PPP1R9A: variants seen among roughly 807,000 people sequenced by gnomAD.
PPP1R9A encodes protein phosphatase 1 regulatory subunit 9A.
PPP1R9A carries 59 observed loss-of-function variants against 141.9 expected under a neutral mutation model. The observed-to-expected ratio is 0.42, with a 90% CI of 0.34 to 0.52. PPP1R9A has a LOEUF of 0.52. Among genes scored for constraint, PPP1R9A ranks in the 20% least tolerant of loss-of-function variants. The probability of loss-of-function intolerance (pLI) is 0.10; values close to 1 mark genes in which losing one functional copy is unlikely to be tolerated. For synonymous variants in PPP1R9A, 500 were observed against 569.7 expected, an observed-to-expected ratio of 0.88 and a Z score of 1.74; for missense variants, 1,444 against 1,611.9, an observed-to-expected ratio of 0.90 and a Z score of 1.78.
At position 95,072,866 on chromosome 7, in the gene PPP1R9A, A is replaced by G. The variant is rs1814165038; in HGVS notation, c.1396-38393A>G. ...TTATATATAATATAAGTTATATAAT[A>G]TAATATAATATTATATAATATACCA... On this transcript the variant is annotated intron_variant, in intron 2 of 19. Coordinates refer to ENST00000433360, the MANE Select transcript of PPP1R9A (RefSeq NM_001166160.2). Among the ~76,000 whole-genome samples, 3 of 113,730 alleles carry G rather than the reference A, an allele frequency of 2.6e-5. No homozygotes were observed. In the South Asian group the frequency reaches 6.9e-4, roughly 26 times the overall value. 74.6% of individuals were successfully genotyped at this position (113,730 alleles called of 152,430 possible).
At chr7:95,286,503 G>A (rs1440454332) in intron 18 of PPP1R9A, among the ~76,000 whole-genome samples, 178 bp downstream of exon 18, 1 of 152,122 alleles carries the variant, frequency 6.6e-6, no homozygotes, top group African/African-American at 2.4e-5. Flanking sequence ...GAAAAGCAAA[G>A]TCTTGTTCTT....
intron 6 of PPP1R9A, among the ~76,000 whole-genome samples, chr7:95,199,185 A>G (rs1249861392): frequency 1.3e-5 from 2 of 152,206 alleles, no homozygotes; most frequent in African/African-American, 4.8e-5. Flanking sequence ...ATGCTGGTCT[A>G]TTTCTAATGT....
chr7:95,076,966 C>T (rs1359656295), intron 2 of PPP1R9A, among the ~76,000 whole-genome samples: 1 of 151,854 alleles, frequency 6.6e-6, no homozygotes, highest in Non-Finnish European at 1.5e-5. Context: ...GCCTTCATTC[C>T]AATGTTTATA....
intron 2 of PPP1R9A, among the ~76,000 whole-genome samples, chr7:95,079,789 G>A (rs1161370197): frequency 3.3e-5 from 5 of 152,140 alleles, no homozygotes; most frequent in Admixed American, 3.3e-4. Context: ...TTCAATATAT[G>A]CAAATCAATA....
chr7:95,134,662 C>T (rs983655760), intron 4 of PPP1R9A, among the ~76,000 whole-genome samples: 2 of 152,012 alleles, frequency 1.3e-5, no homozygotes, highest in South Asian at 2.1e-4. Context: ...CTCAAACTCC[C>T]GACCTCAGGT....
intron 2 of PPP1R9A, among the ~76,000 whole-genome samples, chr7:95,031,451 T>C (rs1807671853): frequency 6.6e-6 from 1 of 152,172 alleles, no homozygotes; most frequent in Non-Finnish European, 1.5e-5. Flanking sequence ...ATCTTTGCTG[T>C]AAAATCAGTA....
intron 4 of PPP1R9A, among the ~76,000 whole-genome samples, chr7:95,127,140 TCTCA>T (rs1222441168): frequency 1.3e-5 from 2 of 152,180 alleles, no homozygotes; most frequent in Non-Finnish European, 2.9e-5. Context: ...TCCCTCCCTC[TCTCA>T]CTCTTTTTAA....
intron 2 of PPP1R9A, among the ~76,000 whole-genome samples, chr7:95,095,823 A>G (rs1175212478): frequency 1.3e-5 from 2 of 152,206 alleles, no homozygotes; most frequent in Non-Finnish European, 2.9e-5. Flanking sequence ...CCTCATGTAT[A>G]TATGCATTCC....
intron 5 of PPP1R9A, among the ~76,000 whole-genome samples, chr7:95,164,745 T>C (rs76682387): frequency 4.2e-5 from 6 of 141,622 alleles, no homozygotes; most frequent in South Asian, 2.1e-4. Context: ...TCTTTTCTTT[T>C]TTTTTTTTTT....
intron 2 of PPP1R9A, among the ~76,000 whole-genome samples, chr7:94,981,899 C>T (rs976784686): frequency 3.9e-5 from 6 of 151,958 alleles, no homozygotes; most frequent in East Asian, 1.9e-4. Flanking sequence ...TATGTATACA[C>T]GTGCCATGTT....
intron 3 of PPP1R9A, among the ~76,000 whole-genome samples, chr7:95,119,714 A>G (rs931061426): frequency 1.3e-5 from 2 of 152,072 alleles, no homozygotes; most frequent in Non-Finnish European, 2.9e-5. Context: ...TCAGCCTCCC[A>G]AAGTGATGGG....
chr7:95,068,473 GAAAAA>G (rs36043693), intron 2 of PPP1R9A, among the ~76,000 whole-genome samples: 207 of 94,236 alleles, frequency 2.2e-3, no homozygotes, highest in Middle Eastern at 0.021. Context: ...CTTGTCTCAA[GAAAAA>G]AAAAAAAAAA....
rs1340151679 is a variant in PPP1R9A at position 95,198,356 on chromosome 7, A to G, written c.1762A>G (p.Ile588Val). ...RNTKGNVRFVIGREKPGQVSE... is the reference protein window; with the variant it reads ...RNTKGNVRFVVGREKPGQVSE... ...TTGTTAACCTTTCCACAGATTTGTT[A>G]TTGGGCGGGAAAAACCAGGACAAGT... The change falls in exon 6 of 20, where the codon ATT becomes GTT. Residue 588 changes from isoleucine to valine, a missense_variant. Ile to Val is a conservative substitution (Grantham distance 29). Transcript: ENST00000433360. 3 of 1,603,152 alleles carry G rather than the reference A, an allele frequency of 1.9e-6. No individual in the cohort carries two copies. Among genetic ancestry groups the G allele is most frequent in the African/African-American group, 1.3e-5 (1 of 74,380 alleles).
chr7:94,975,718 A>C (rs751364941), intron 2 of PPP1R9A, among the ~76,000 whole-genome samples: 1 of 152,052 alleles, frequency 6.6e-6, no homozygotes. Flanking sequence ...TATTGAGTTG[A>C]TATTTTTGTT....
At chr7:94,943,008 G>A (rs528066288) in intron 2 of PPP1R9A, among the ~76,000 whole-genome samples, 1 of 151,908 alleles carries the variant, frequency 6.6e-6, no homozygotes, top group South Asian at 2.1e-4. Context: ...AATGATTCTG[G>A]GTGAGCTAAA....
chr7:95,004,541 C>G (rs1803348645), intron 2 of PPP1R9A, among the ~76,000 whole-genome samples: 1 of 152,116 alleles, frequency 6.6e-6, no homozygotes, highest in African/African-American at 2.4e-5. Flanking sequence ...GTATATGGAG[C>G]TGCTTAAAGA....
At chr7:94,912,720 T>C (rs1161658174) in intron 2 of PPP1R9A, among the ~76,000 whole-genome samples, 1 of 152,196 alleles carries the variant, frequency 6.6e-6, no homozygotes, top group Non-Finnish European at 1.5e-5. Flanking sequence ...TATTTACAGA[T>C]GTTAGCAGGC....
chr7:95,195,764 T>TA (rs1315409152), intron 5 of PPP1R9A, among the ~76,000 whole-genome samples: 1 of 151,974 alleles, frequency 6.6e-6, no homozygotes, highest in Admixed American at 6.6e-5. Flanking sequence ...CAAGAATATA[T>TA]AAAGGGCCAG....
intron 8 of PPP1R9A, among the ~76,000 whole-genome samples, chr7:95,244,832 A>G (rs1797902151): frequency 6.6e-6 from 1 of 152,192 alleles, no homozygotes; most frequent in African/African-American, 2.4e-5. Flanking sequence ...ACTATATGCT[A>G]GCCACTGTGC....
Sources: allele counts gnomAD v4.1 joint callset (sites outside exome capture counted in the v4.1 genomes callset), GRCh38; gene constraint gnomAD v4.1.1; transcripts MANE v1.5; gene names NCBI Gene and HGNC (gene_info 2026-07-23, HGNC 2026-07-21).